The following PTK2 variants were observed in gnomAD, a reference collection of about 807,000 sequenced individuals.
PTK2 encodes focal adhesion kinase 1.
Under a neutral mutation model 150.1 loss-of-function variants are expected in PTK2, and 45 were observed. That is an observed-to-expected ratio of 0.30 (90% CI 0.24 to 0.38). The LOEUF (loss-of-function observed/expected upper bound fraction) is 0.38, where lower values mean the gene tolerates loss of function less well. Ranked by LOEUF, PTK2 falls within the 10% of genes least tolerant of loss-of-function variation. The probability of loss-of-function intolerance (pLI) is 1.00; values close to 1 mark genes in which losing one functional copy is unlikely to be tolerated. For synonymous variants in PTK2, 432 were observed against 449.2 expected (o/e 0.96, Z 0.48); for missense variants, 919 against 1,307.3 (o/e 0.70, Z 4.58).
intron 7 of PTK2, among the ~76,000 whole-genome samples, chr8:140,831,006 A>T (rs1212697451): frequency 6.6e-6 from 1 of 152,202 alleles, no homozygotes. Context: ...GACTATTTTT[A>T]AAAATAGACT....
chr8:140,893,978 A>T (rs1033524606), intron 2 of PTK2, among the ~76,000 whole-genome samples: 1 of 152,188 alleles, frequency 6.6e-6, no homozygotes, highest in Admixed American at 6.5e-5. Flanking sequence ...GTGTCTTCTG[A>T]TCCAGCAATT....
At chr8:140,993,769 G>A (rs1322416088) in intron 1 of PTK2, among the ~76,000 whole-genome samples, 2 of 151,908 alleles carry the variant, frequency 1.3e-5, no homozygotes, top group East Asian at 1.9e-4. Flanking sequence ...TCACTATGTC[G>A]CCCAGGCTGG....
At chr8:140,970,702 G>A (rs185857639) in intron 1 of PTK2, among the ~76,000 whole-genome samples, 2 of 152,262 alleles carry the variant, frequency 1.3e-5, no homozygotes, top group African/African-American at 4.8e-5. Context: ...TGCTGCTCTG[G>A]TGCCTATCCT....
At chr8:140,802,178 T>C (rs1037503748) in intron 11 of PTK2, among the ~76,000 whole-genome samples, 1 of 152,052 alleles carries the variant, frequency 6.6e-6, no homozygotes, top group African/African-American at 2.4e-5. Flanking sequence ...GACAGTTTCA[T>C]GTGTGTTACG....
intron 31 of PTK2, among the ~76,000 whole-genome samples, chr8:140,663,239 C>A (rs913199970): frequency 7.6e-6 from 1 of 130,930 alleles, no homozygotes; most frequent in Non-Finnish European, 1.7e-5. Context: ...TGTGTACACA[C>A]ATAGACAATG....
At chr8:140,717,956 GA>G in intron 22 of PTK2, 1 of 364,592 alleles carries the variant, frequency 2.7e-6, no homozygotes, top group Non-Finnish European at 5.1e-6. Context: ...CAGCTGGTAA[GA>G]AAAAGAGGTT....
intron 26 of PTK2, among the ~76,000 whole-genome samples, chr8:140,693,026 A>G (rs1264929953): frequency 6.6e-6 from 1 of 152,210 alleles, no homozygotes; most frequent in Admixed American, 6.5e-5. Flanking sequence ...TGTTTTAAGC[A>G]TAGTATCACA....
intron 1 of PTK2, among the ~76,000 whole-genome samples, chr8:140,964,799 G>T (rs1569511372): frequency 6.6e-6 from 1 of 152,064 alleles, no homozygotes; most frequent in African/African-American, 2.4e-5. Context: ...CATGTACAGA[G>T]ATCTGCTATA....
intron 27 of PTK2, among the ~76,000 whole-genome samples, chr8:140,676,117 C>G (rs113653214): frequency 1.8e-4 from 28 of 152,274 alleles, no homozygotes; most frequent in African/African-American, 6.7e-4. Flanking sequence ...TGGCTCATGC[C>G]TGTAATCCCA....
intron 1 of PTK2, among the ~76,000 whole-genome samples, chr8:140,952,308 G>A (rs543988840): frequency 2.6e-5 from 4 of 152,210 alleles, no homozygotes; most frequent in Admixed American, 2.6e-4. Flanking sequence ...CAATATGGAC[G>A]GGGGAAGGAA....
chr8:140,821,325 A>C (rs1351439262), intron 8 of PTK2: 1 of 152,312 alleles, frequency 6.6e-6, no homozygotes, highest in Non-Finnish European at 1.5e-5. Context: ...TCACTGTAAC[A>C]GATCAAGCAA....
At chr8:140,884,402 A>T (rs1175991870) in intron 3 of PTK2, among the ~76,000 whole-genome samples, 3 of 151,980 alleles carry the variant, frequency 2.0e-5, no homozygotes, top group Non-Finnish European at 4.4e-5. Flanking sequence ...ATTTTCTAAG[A>T]CCTCCATAGT....
At chr8:140,945,071 C>T (rs1054161902) in intron 1 of PTK2, among the ~76,000 whole-genome samples, 3 of 152,180 alleles carry the variant, frequency 2.0e-5, no homozygotes, top group Non-Finnish European at 4.4e-5. Flanking sequence ...TTCCTGTTGT[C>T]GTTCATCTTG....
intron 2 of PTK2, among the ~76,000 whole-genome samples, chr8:140,922,573 T>C (rs997568542): frequency 7.9e-5 from 12 of 152,136 alleles, no homozygotes; most frequent in Non-Finnish European, 1.3e-4. Flanking sequence ...CATCGACTAA[T>C]GGACTGTACA....
chr8:140,751,490 C>T (rs2100062639), intron 17 of PTK2, among the ~76,000 whole-genome samples: 1 of 151,436 alleles, frequency 6.6e-6, no homozygotes, highest in South Asian at 2.1e-4. Flanking sequence ...TGTTCTTTTT[C>T]TTTCTTTCTT....
chr8:140,738,731 T>C (rs1162702453), intron 21 of PTK2, among the ~76,000 whole-genome samples: 2 of 151,960 alleles, frequency 1.3e-5, no homozygotes, highest in Non-Finnish European at 2.9e-5. Flanking sequence ...ATAAGCAAAA[T>C]ATCCCCCTGT....
intron 2 of PTK2, among the ~76,000 whole-genome samples, chr8:140,922,212 G>C (rs2100167731): frequency 6.6e-6 from 1 of 152,030 alleles, no homozygotes; most frequent in African/African-American, 2.4e-5. Flanking sequence ...TGCTACTCTT[G>C]ATGATGGCTT....
chr8:140,843,477 C>T (rs2100123476), intron 7 of PTK2, among the ~76,000 whole-genome samples: 2 of 151,674 alleles, frequency 1.3e-5, no homozygotes, highest in Admixed American at 6.6e-5. Flanking sequence ...GGGTAGAATA[C>T]AATTCACATT....
rs141923624 is a variant in PTK2 at position 140,726,049 on chromosome 8, G to C, written c.2031-8340C>G. 4.5e-3 allele frequency among the ~76,000 whole-genome samples: 685 copies of C among 152,130 alleles called. 4 individuals carry two copies. The highest frequency in any genetic ancestry group is 0.016 in the African/African-American group (648 of 41,504). Reference sequence around the variant, plus strand: ...GAGAAACAGAATACAAAAAAAAGAAGCAAACAAAAATTCTATTACCAAAAA... The same window carrying C: ...GAGAAACAGAATACAAAAAAAAGAACCAAACAAAAATTCTATTACCAAAAA... On this transcript the variant is annotated intron_variant, in intron 22 of 31. Transcript: ENST00000522684.
Sources: allele counts gnomAD v4.1 joint callset (sites outside exome capture counted in the v4.1 genomes callset), GRCh38; gene constraint gnomAD v4.1.1; transcripts MANE v1.5; gene names NCBI Gene and HGNC (gene_info 2026-07-23, HGNC 2026-07-21).